The following IQCH variants were observed in gnomAD, a reference collection of about 807,000 sequenced individuals.
IQCH encodes the protein IQ motif containing H.
In IQCH, 98 loss-of-function variants were observed where a neutral mutation model predicts 117.0. That is an observed-to-expected ratio of 0.84 (90% CI 0.71 to 0.99). IQCH has a LOEUF of 0.99. Among genes scored for constraint, IQCH ranks in the 50% least tolerant of loss-of-function variants. The pLI, the probability that IQCH is intolerant of heterozygous loss-of-function variation, is 0.00. For synonymous variants in IQCH, 412 were observed against 448.2 expected, an observed-to-expected ratio of 0.92 and a Z score of 1.02; for missense variants, 1,102 against 1,243.8, an observed-to-expected ratio of 0.89 and a Z score of 1.72.
Position 67,364,103 on chromosome 15 carries a change from TC to T in IQCH, c.753+4219del, listed in dbSNP as rs1970247774. Among the ~76,000 whole-genome samples, 1 of 152,228 alleles carries T rather than the reference TC, an allele frequency of 6.6e-6. No homozygotes were observed. Among genetic ancestry groups the T allele is most frequent in the Non-Finnish European group, 1.5e-5 (1 of 68,042 alleles). On this transcript the variant is annotated intron_variant, in intron 8 of 20. Transcript: ENST00000335894. This position sits in a 1 kb window ranked among gnomAD's most constrained non-coding sequence, Gnocchi z 4.1. Reference sequence around the variant, plus strand: ...GGGGATTGCTGGGTCGAGTGGTAATTCTGTTTTAAGTTCTTTGAGAAGTCAC... The same window carrying T: ...GGGGATTGCTGGGTCGAGTGGTAATTTGTTTTAAGTTCTTTGAGAAGTCAC...
Position 67,500,614 on chromosome 15 carries a change from A to G in IQCH, c.2971-19A>G. 1 of 1,289,382 alleles carries G rather than the reference A, an allele frequency of 7.8e-7. No homozygotes were observed. Among genetic ancestry groups the G allele is most frequent in the Non-Finnish European group, 1.1e-6 (1 of 899,608 alleles). 79.9% of individuals were successfully genotyped at this position (1,289,382 alleles called of 1,614,324 possible). A position where few individuals can be genotyped will look rare whatever the true frequency, so the allele number is the denominator to read the frequency against. ...ATTGTAAGAGGTCTTTAAGTAATAAATATTGTCTTTATTTACAGACCACCA... is the reference window on the plus strand; with the variant it reads ...ATTGTAAGAGGTCTTTAAGTAATAAGTATTGTCTTTATTTACAGACCACCA... On this transcript the variant is annotated intron_variant, in intron 20 of 20. Transcript: ENST00000335894. This position sits in a 1 kb window ranked among gnomAD's most constrained non-coding sequence, Gnocchi z 4.4.
rs1971785470 is a variant in IQCH, at chr15:67,404,170, G to C, written c.2097+3865G>C. The stretch of plus-strand genomic sequence containing the variant: ...CACCAATGGAGAAAAAAACTAATTA[G>C]ACATTTGATATTAATTTGGGGATCA... On this transcript the variant is annotated intron_variant, in intron 14 of 20. Coordinates refer to ENST00000335894, the MANE Select transcript of IQCH (RefSeq NM_001031715.3). The surrounding 1 kb of genome is among the most constrained non-coding windows in gnomAD (Gnocchi z 4.6). The C allele has an allele frequency of 6.6e-6, 1 of 152,186 alleles. No individual in the cohort carries two copies. Among genetic ancestry groups the C allele is most frequent in the Non-Finnish European group, 1.5e-5 (1 of 68,030 alleles). 9.4% of individuals were successfully genotyped at this position (152,186 alleles called of 1,614,324 possible).
intron 15 of IQCH, among the ~76,000 whole-genome samples, chr15:67,419,299 A>G (rs2081661760): frequency 6.6e-6 from 1 of 152,166 alleles, no homozygotes; most frequent in Non-Finnish European, 1.5e-5. Context: ...TGGTTCTTGA[A>G]AGTCATGTGT....
Position 67,490,309 on chromosome 15 carries a change from G to A in IQCH, c.2861+245G>A, listed in dbSNP as rs1386910428. ...CAACCTCCACCTCCCGGGTTCAAGC[G>A]ATTCTCCTGCCTCAGCCTCCCAAGT... On this transcript the variant is annotated intron_variant, in intron 19 of 20. Transcript: ENST00000335894. This position sits in a 1 kb window ranked among gnomAD's most constrained non-coding sequence, Gnocchi z 4.9. Among the ~76,000 whole-genome samples, 4 of 152,176 alleles carry A rather than the reference G, an allele frequency of 2.6e-5. No homozygotes were observed. The highest frequency in any genetic ancestry group is 4.4e-5 in the Non-Finnish European group (3 of 68,004).
chr15:67,326,256 T>C (rs1295126749), intron 4 of IQCH, among the ~76,000 whole-genome samples: 1 of 152,182 alleles, frequency 6.6e-6, no homozygotes, highest in Non-Finnish European at 1.5e-5. Context: ...CTCAGAATCA[T>C]GGTTTCCAGC....
Position 67,411,210 on chromosome 15 carries a change from C to T in IQCH, c.2098-5721C>T, listed in dbSNP as rs527963031. Among the ~76,000 whole-genome samples the T allele has an allele frequency of 8.5e-5, 13 of 152,232 alleles. No individual in the cohort carries two copies. The highest frequency in any genetic ancestry group is 4.1e-4 in the South Asian group (2 of 4,822). On this transcript the variant is annotated intron_variant, in intron 14 of 20. Coordinates refer to ENST00000335894, the MANE Select transcript of IQCH (RefSeq NM_001031715.3). This position sits in a 1 kb window ranked among gnomAD's most constrained non-coding sequence, Gnocchi z 4.4. ...TCTGTACCACTAGCTGATTCAAATC[C>T]GGAGCACCTTTCATGGTGCTCCCCA... is the stretch of plus-strand genomic sequence containing the variant.
At chr15:67,340,951 C>T (rs1308504116) in intron 5 of IQCH, among the ~76,000 whole-genome samples, 1 of 152,110 alleles carries the variant, frequency 6.6e-6, no homozygotes, top group African/African-American at 2.4e-5. Flanking sequence ...GCTCATGCCT[C>T]TAATCCCAGC....
intron 15 of IQCH, among the ~76,000 whole-genome samples, chr15:67,420,443 GT>G (rs2081707188): frequency 6.6e-6 from 1 of 152,132 alleles, no homozygotes; most frequent in South Asian, 2.1e-4. Context: ...GGAACACTTT[GT>G]TGTTTTTACT....
At chr15:67,448,167 G>GTA (rs2082432498) in intron 16 of IQCH, among the ~76,000 whole-genome samples, 1 of 151,612 alleles carries the variant, frequency 6.6e-6, no homozygotes, top group African/African-American at 2.4e-5. Context: ...CTGTGTGTGT[G>GTA]TGTGTGTGTG....
chr15:67,487,880 T>A (rs1163024973), intron 18 of IQCH, among the ~76,000 whole-genome samples: 1 of 152,164 alleles, frequency 6.6e-6, no homozygotes, highest in African/African-American at 2.4e-5. Flanking sequence ...AGGGCAGGCA[T>A]TTCCACTGTT....
intron 5 of IQCH, among the ~76,000 whole-genome samples, chr15:67,343,111 T>C (rs997942951): frequency 1.3e-5 from 2 of 152,212 alleles, no homozygotes; most frequent in African/African-American, 4.8e-5. Context: ...TAATATAGTA[T>C]AGAGGTCATA....
chr15:67,270,585 C>T lies in IQCH; in HGVS notation c.269+7369C>T, dbSNP rs1249494441. On this transcript the variant is annotated intron_variant, in intron 3 of 20. Transcript: ENST00000335894. ...CTCATGGGAGTGAGTGAATTCTACT[C>T]TTAGTCTCCATGGGAACTGGTTGAA... 3.9e-5 allele frequency among the ~76,000 whole-genome samples: 6 copies of T among 152,272 alleles called. No homozygotes were observed. In the East Asian group the frequency reaches 9.7e-4, roughly 25 times the overall value.
rs1567107051 is a variant in IQCH, at chr15:67,337,075, T to C, written c.488T>C (p.Leu163Ser). The change falls in exon 5 of 21, where the codon TTA becomes TCA. Residue 163 changes from leucine to serine, a missense_variant. Leu to Ser is a moderately radical substitution (Grantham distance 145, BLOSUM62 -2). Around this residue, in one of 2 missense-constraint regions of IQCH, gnomAD observed 452 missense variants for 449.6 expected, o/e 1.01. Transcript: ENST00000335894. ...TDPYFTPIPVLQADAHKGILS... is the reference protein window; with the variant it reads ...TDPYFTPIPVSQADAHKGILS... ...CCCTATTTCACTCCTATACCAGTCT[T>C]ACAAGCAGATGCCCACAAAGGTTAG... 2.5e-6 allele frequency: 4 copies of C among 1,613,426 alleles called. No homozygotes were observed. Among genetic ancestry groups the C allele is most frequent in the Admixed American group, 1.7e-5 (1 of 59,944 alleles).
At chr15:67,418,179 T>C (rs1033341295) in intron 15 of IQCH, among the ~76,000 whole-genome samples, 1 of 152,152 alleles carries the variant, frequency 6.6e-6, no homozygotes, top group Non-Finnish European at 1.5e-5. Context: ...TCCAGGAGTC[T>C]TGGGCAGAGC....
intron 4 of IQCH, among the ~76,000 whole-genome samples, chr15:67,308,068 C>T (rs1309944137): frequency 6.6e-6 from 1 of 152,114 alleles, no homozygotes; most frequent in African/African-American, 2.4e-5. Context: ...TTACAGCTGT[C>T]TCCGGACAAG....
chr15:67,274,794 T>C (rs762550297), intron 3 of IQCH, among the ~76,000 whole-genome samples: 1 of 152,218 alleles, frequency 6.6e-6, no homozygotes, highest in Non-Finnish European at 1.5e-5. Flanking sequence ...TGGTTTTTAA[T>C]GGATATGCTT....
chr15:67,262,097 A>G (rs1049831762), intron 2 of IQCH, among the ~76,000 whole-genome samples: 1 of 151,990 alleles, frequency 6.6e-6, no homozygotes, highest in African/African-American at 2.4e-5. Flanking sequence ...TCAAAAAAAA[A>G]AAGTATATAA....
intron 4 of IQCH, among the ~76,000 whole-genome samples, chr15:67,305,045 G>T (rs922462875): frequency 2.6e-5 from 4 of 152,040 alleles, no homozygotes; most frequent in Non-Finnish European, 5.9e-5. Context: ...ACTCTATGTT[G>T]TGGAGTTTTC....
At chr15:67,317,217 A>C (rs574429411) in intron 4 of IQCH, among the ~76,000 whole-genome samples, 22 of 151,818 alleles carry the variant, frequency 1.4e-4, no homozygotes, top group African/African-American at 2.9e-4. Context: ...TTTCTTTTTT[A>C]TTTTTATTTT....
Sources: gnomAD v4.1 joint callset for allele counts (sites outside exome capture counted in the v4.1 genomes callset) on GRCh38, gnomAD v4.1.1 for gene constraint, gnomAD v4.1.1 regional missense constraint, Gnocchi (gnomAD v3.1) non-coding constraint, MANE v1.5 for transcripts, NCBI Gene and HGNC (gene_info 2026-07-23, HGNC 2026-07-21) for gene names.